CCDC171: variants seen among roughly 807,000 people sequenced by gnomAD.
CCDC171 encodes coiled-coil domain-containing protein 171.
A neutral mutation model predicts 168.2 loss-of-function variants in CCDC171; 177 were observed. That is an observed-to-expected ratio of 1.05 (90% CI 0.93 to 1.19). The LOEUF (loss-of-function observed/expected upper bound fraction) is 1.19, where lower values mean the gene tolerates loss of function less well. CCDC171 is among the 50% of genes most tolerant of loss of function. CCDC171 has a pLI of 0.00. For synonymous variants in CCDC171, 687 were observed against 540.8 expected (o/e 1.27, Z -3.75); for missense variants, 1,991 against 1,539.0 (o/e 1.29, Z -4.91).
intron 24 of CCDC171, among the ~76,000 whole-genome samples, chr9:15,903,009 A>G (rs1821937405): frequency 6.6e-6 from 1 of 152,206 alleles, no homozygotes; most frequent in South Asian, 2.1e-4. Flanking sequence ...TGCCTAGGCT[A>G]GAGTAGGTAA....
chr9:16,010,252 T>C (rs772742841), intron 3 of CCDC171, among the ~76,000 whole-genome samples: 69 of 152,204 alleles, frequency 4.5e-4, no homozygotes, highest in Non-Finnish European at 2.6e-4. Context: ...GTTGATTTTA[T>C]GTGAATGGTT....
intron 1 of CCDC171, among the ~76,000 whole-genome samples, chr9:15,554,138 G>A (rs1310021080): frequency 6.6e-6 from 1 of 151,780 alleles, no homozygotes; most frequent in African/African-American, 2.4e-5. Flanking sequence ...TCCTGTCTCA[G>A]CCTCCCCAGC....
chr9:15,738,887 G>A (rs943259585), intron 16 of CCDC171, among the ~76,000 whole-genome samples: 2 of 151,996 alleles, frequency 1.3e-5, no homozygotes, highest in African/African-American at 4.8e-5. Context: ...CATTTATTCA[G>A]TGTCTATTAT....
At chr9:15,982,514 A>T (rs999496044) in intron 3 of CCDC171, among the ~76,000 whole-genome samples, 1 of 152,130 alleles carries the variant, frequency 6.6e-6, no homozygotes, top group African/African-American at 2.4e-5. Context: ...ACTCCAAATT[A>T]CTGGAAGGAA....
chr9:15,623,640 T>C (rs1587496916), intron 7 of CCDC171, among the ~76,000 whole-genome samples: 2 of 152,156 alleles, frequency 1.3e-5, no homozygotes, highest in South Asian at 4.1e-4. Context: ...TTTTCTGTTT[T>C]GCCCTAGTTT....
In CCDC171 at chr9:15,563,354, T is replaced by A. The variant is rs553521141; in HGVS notation, c.-111-624T>A. On this transcript the variant is annotated intron_variant, in intron 1 of 25. Coordinates refer to ENST00000380701, the MANE Select transcript of CCDC171 (RefSeq NM_173550.4). ...GGTTTCTCCATGTTGGTCAGGCTGG[T>A]TTAGAACTCCCGACCTCAGGTGATC... Among the ~76,000 whole-genome samples, 21 of 152,102 alleles carry A rather than the reference T, an allele frequency of 1.4e-4. No homozygotes were observed. In the South Asian group the frequency reaches 4.4e-3, roughly 32 times the overall value.
chr9:15,824,157 C>T (rs928447886), intron 21 of CCDC171, among the ~76,000 whole-genome samples: 1 of 151,918 alleles, frequency 6.6e-6, no homozygotes, highest in Admixed American at 6.6e-5. Context: ...TGGCTTTTCA[C>T]TTCTGAAATC....
intron 25 of CCDC171, among the ~76,000 whole-genome samples, chr9:15,963,599 G>C (rs1589262375): frequency 1.3e-5 from 2 of 152,116 alleles, no homozygotes; most frequent in South Asian, 2.1e-4. Context: ...AGACATCTAA[G>C]TTTTTGCCCA....
At chr9:16,072,295 A>C in the CCDC171 span, among the ~76,000 whole-genome samples, 1 of 152,126 alleles carries the variant, frequency 6.6e-6, no homozygotes, top group African/African-American at 2.4e-5. Context: ...TTCTCAATTT[A>C]GTGTCTTCCT....
At chr9:16,056,822 TAA>T (rs954802568) in intron 1 of CCDC171, among the ~76,000 whole-genome samples, 37 of 152,150 alleles carry the variant, frequency 2.4e-4, no homozygotes, top group African/African-American at 8.9e-4. Flanking sequence ...AAAAATAATA[TAA>T]GAGAAGATGA....
intron 25 of CCDC171, among the ~76,000 whole-genome samples, chr9:15,958,451 A>G (rs1830019206): frequency 6.6e-6 from 1 of 151,274 alleles, no homozygotes; most frequent in Non-Finnish European, 1.5e-5. Flanking sequence ...CTAAGCAAAC[A>G]TAAGACTGTG....
chr9:15,709,136 A>C (rs1256042412), intron 11 of CCDC171, among the ~76,000 whole-genome samples: 1 of 152,198 alleles, frequency 6.6e-6, no homozygotes, highest in African/African-American at 2.4e-5. Flanking sequence ...TAGGCTACAA[A>C]AAGAAATGAC....
Position 15,612,742 on chromosome 9 carries a change from A to G in CCDC171, c.676-10525A>G, listed in dbSNP as rs192576161. On this transcript the variant is annotated intron_variant, in intron 6 of 25. Transcript: ENST00000380701. ...ACTTTTGAATAGTTTGCATATTTGCATAGTTTCCATGCCATTCTTTGCAAT... is the reference window on the plus strand; with the variant it reads ...ACTTTTGAATAGTTTGCATATTTGCGTAGTTTCCATGCCATTCTTTGCAAT... Among the ~76,000 whole-genome samples, 31 of 152,178 alleles carry G rather than the reference A, an allele frequency of 2.0e-4. No individual in the cohort carries two copies. In the East Asian group the frequency reaches 4.2e-3, roughly 21 times the overall value.
chr9:15,668,224 C>T (rs145605448), intron 9 of CCDC171, among the ~76,000 whole-genome samples: 1 of 152,088 alleles, frequency 6.6e-6, no homozygotes, highest in Non-Finnish European at 1.5e-5. Flanking sequence ...GTGGATGATT[C>T]TCTGTCATGG....
intron 7 of CCDC171, among the ~76,000 whole-genome samples, chr9:15,651,274 A>G (rs1026375561): frequency 1.3e-5 from 2 of 151,832 alleles, no homozygotes; most frequent in African/African-American, 4.8e-5. Flanking sequence ...ACACCTAGCT[A>G]ATTTTTGTAT....
At chr9:15,607,002 GA>G (rs1224077820) in intron 6 of CCDC171, among the ~76,000 whole-genome samples, 1 of 152,184 alleles carries the variant, frequency 6.6e-6, no homozygotes, top group African/African-American at 2.4e-5. Context: ...TATTTGGGAT[GA>G]AGGCAAGTTT....
intron 24 of CCDC171, among the ~76,000 whole-genome samples, chr9:15,884,501 T>C (rs1357546496): frequency 1.3e-5 from 2 of 152,154 alleles, no homozygotes; most frequent in African/African-American, 4.8e-5. Context: ...CTGTATGTCA[T>C]TGAGTTATGT....
intron 1 of CCDC171, among the ~76,000 whole-genome samples, chr9:16,058,614 A>G (rs148117818): frequency 3.9e-5 from 6 of 152,348 alleles, no homozygotes; most frequent in African/African-American, 1.4e-4. Flanking sequence ...AAACTGGAGA[A>G]GCAGAACACA....
chr9:15,780,110 C>A (rs572366928), intron 20 of CCDC171, among the ~76,000 whole-genome samples: 26 of 152,084 alleles, frequency 1.7e-4, no homozygotes, highest in Non-Finnish European at 3.1e-4. Context: ...GTTATTAATC[C>A]TATGATAATG....
Sources: allele counts gnomAD v4.1 joint callset (sites outside exome capture counted in the v4.1 genomes callset), GRCh38; gene constraint gnomAD v4.1.1; transcripts MANE v1.5; gene names NCBI Gene and HGNC (gene_info 2026-07-23, HGNC 2026-07-21).